PRIMA1: variants seen among roughly 807,000 people sequenced by gnomAD.
The protein encoded by PRIMA1 is proline-rich membrane anchor 1.
PRIMA1 carries 7 observed loss-of-function variants against 17.5 expected under a neutral mutation model. The ratio of observed to expected loss-of-function variants is 0.40; its 90% CI spans 0.23 to 0.75. The LOEUF is 0.75. PRIMA1 is among the 30% of genes least tolerant of loss of function. The pLI, the probability that PRIMA1 is intolerant of heterozygous loss-of-function variation, is 0.37. For missense variants in PRIMA1, 200 were observed against 201.8 expected (o/e 0.99, Z 0.05); for synonymous variants, 97 against 77.9 (o/e 1.25, Z -1.29).
chr14:93,787,885 T>G lies in PRIMA1; in HGVS notation c.-31-136A>C, dbSNP rs895579363. Reference sequence around the variant, plus strand: ...GCACCCTAGTAAACCAAGCCTGCACTTACACTCCAGCTTACACCTTCACTG... The same window carrying G: ...GCACCCTAGTAAACCAAGCCTGCACGTACACTCCAGCTTACACCTTCACTG... On this transcript the variant is annotated intron_variant, in intron 1 of 4. Transcript: ENST00000393140. The G allele has an allele frequency of 3.8e-5, 36 of 958,486 alleles. 1 individual carries two copies. The African/African-American group carries it at 5.8e-4, about 15-fold the overall frequency. The allele number at this position is 958,486 out of a possible 1,614,324, so 59.4% of individuals were successfully genotyped here.
chr14:93,756,108 T>C (rs1024044185), intron 3 of PRIMA1, among the ~76,000 whole-genome samples: 3 of 152,206 alleles, frequency 2.0e-5, no homozygotes, highest in Admixed American at 2.0e-4. Context: ...GGTCTTGCTA[T>C]GTTGTCCAGG....
chr14:93,786,901 G>C (rs560816727), intron 2 of PRIMA1, among the ~76,000 whole-genome samples: 15 of 152,348 alleles, frequency 9.8e-5, no homozygotes, highest in Non-Finnish European at 1.8e-4. Context: ...CTCTCAGAGA[G>C]GGTAAGTGGG....
chr14:93,762,536 C>T (rs1884764800), intron 3 of PRIMA1, among the ~76,000 whole-genome samples: 1 of 152,060 alleles, frequency 6.6e-6, no homozygotes, highest in Admixed American at 6.5e-5. Context: ...ACAGTAGGCT[C>T]CCATCCGGAA....
intron 2 of PRIMA1, among the ~76,000 whole-genome samples, chr14:93,786,876 G>A (rs1885540249): frequency 6.6e-6 from 1 of 152,204 alleles, no homozygotes; most frequent in African/African-American, 2.4e-5. Context: ...AGTACAGTCA[G>A]GAAGAAGAAA....
intron 4 of PRIMA1, among the ~76,000 whole-genome samples, chr14:93,728,974 C>T (rs1282893710): frequency 6.6e-5 from 10 of 152,200 alleles, no homozygotes; most frequent in Non-Finnish European, 1.2e-4. Flanking sequence ...GTAAGGACCT[C>T]GTGCCCCTGC....
intron 3 of PRIMA1, among the ~76,000 whole-genome samples, chr14:93,744,615 T>C (rs2076205063): frequency 6.6e-6 from 1 of 152,168 alleles, no homozygotes; most frequent in Non-Finnish European, 1.5e-5. Context: ...AGAAATCTCC[T>C]TTGGGATGTG....
At position 93,785,188 on chromosome 14, in the gene PRIMA1, CAAA is replaced by C. The variant is rs386382197; in HGVS notation, c.93+2435_93+2437del. Among the ~76,000 whole-genome samples the C allele has an allele frequency of 3.4e-4, 37 of 110,072 alleles. 1 individual carries two copies. Among genetic ancestry groups the C allele is most frequent in the Non-Finnish European group, 6.3e-4 (35 of 55,254 alleles). 72.2% of individuals were successfully genotyped at this position (110,072 alleles called of 152,430 possible). On this transcript the variant is annotated intron_variant, in intron 2 of 4. Coordinates refer to ENST00000393140, the MANE Select transcript of PRIMA1 (RefSeq NM_178013.4). ...GCCAGCCTGTCATCCTCTTCTCTTT[CAAA>C]AAAAAAAAAAAAAAAAGAATCATCT... is the stretch of plus-strand genomic sequence containing the variant.
intron 3 of PRIMA1, among the ~76,000 whole-genome samples, chr14:93,756,365 C>T (rs374288635): frequency 6.6e-6 from 1 of 152,254 alleles, no homozygotes; most frequent in East Asian, 1.9e-4. Flanking sequence ...AATCTATCAT[C>T]TCTCTGGGAA....
intron 3 of PRIMA1, among the ~76,000 whole-genome samples, chr14:93,753,715 T>A (rs74073703): frequency 6.6e-6 from 1 of 152,198 alleles, no homozygotes; most frequent in East Asian, 1.9e-4. Flanking sequence ...CTTGCCTAAG[T>A]GGAGAGATGA....
intron 4 of PRIMA1, among the ~76,000 whole-genome samples, chr14:93,723,996 A>C (rs56280065): frequency 0.15 from 22,084 of 152,194 alleles, 2,099 homozygotes; most frequent in Middle Eastern, 0.26. Flanking sequence ...GTGATCCTCC[A>C]GCTTTAGCCT....
At chr14:93,764,325 C>A (rs570980507) in intron 3 of PRIMA1, among the ~76,000 whole-genome samples, 6 of 148,644 alleles carry the variant, frequency 4.0e-5, no homozygotes, top group African/African-American at 1.5e-4. Flanking sequence ...CCCATCCCAG[C>A]CCAGCCAGCA....
intron 2 of PRIMA1, among the ~76,000 whole-genome samples, chr14:93,786,327 T>G (rs1419877112): frequency 6.6e-6 from 1 of 152,206 alleles, no homozygotes; most frequent in Non-Finnish European, 1.5e-5. Context: ...GGAAAACAAT[T>G]GTGAGACGGA....
At chr14:93,750,143 G>A (rs754702933) in intron 3 of PRIMA1, among the ~76,000 whole-genome samples, 6 of 152,012 alleles carry the variant, frequency 3.9e-5, no homozygotes, top group African/African-American at 7.2e-5. Flanking sequence ...TGCCGAGATC[G>A]TGCCACTGCA....
intron 3 of PRIMA1, among the ~76,000 whole-genome samples, chr14:93,754,320 A>G (rs1049194474): frequency 1.3e-5 from 2 of 152,042 alleles, no homozygotes; most frequent in African/African-American, 4.8e-5. Flanking sequence ...CCCAAAGTCC[A>G]TCTTCTTTCT....
intron 3 of PRIMA1, among the ~76,000 whole-genome samples, chr14:93,738,865 A>G (rs1247674404): frequency 6.6e-6 from 1 of 152,164 alleles, no homozygotes; most frequent in Non-Finnish European, 1.5e-5. Flanking sequence ...TTCTAAAATC[A>G]CTGATTAGAT....
At chr14:93,774,682 T>C (rs1202685602) in intron 3 of PRIMA1, among the ~76,000 whole-genome samples, 2 of 152,198 alleles carry the variant, frequency 1.3e-5, no homozygotes, top group African/African-American at 4.8e-5. Context: ...AAATCCGTCC[T>C]CCCTGCCCCT....
intron 3 of PRIMA1, among the ~76,000 whole-genome samples, chr14:93,753,126 C>T (rs966355797): frequency 6.6e-6 from 1 of 152,216 alleles, no homozygotes. Context: ...GCGTCCAACA[C>T]AGGCACAGCC....
chr14:93,729,634 C>T (rs866549260), intron 4 of PRIMA1, among the ~76,000 whole-genome samples: 1 of 152,206 alleles, frequency 6.6e-6, no homozygotes, highest in Non-Finnish European at 1.5e-5. Context: ...TCCTTTGGCC[C>T]TGACTCTGCA....
At chr14:93,777,949 G>A (rs961314593) in intron 3 of PRIMA1, among the ~76,000 whole-genome samples, 2 of 152,368 alleles carry the variant, frequency 1.3e-5, no homozygotes, top group African/African-American at 4.8e-5. Flanking sequence ...GTGGGAGAGT[G>A]AGGAATTCTA....
Sources: allele counts gnomAD v4.1 joint callset (sites outside exome capture counted in the v4.1 genomes callset), GRCh38; gene constraint gnomAD v4.1.1; transcripts MANE v1.5; gene names NCBI Gene and HGNC (gene_info 2026-07-23, HGNC 2026-07-21).